Variants in TLN1 observed in about 807,000 individuals in gnomAD.
The protein encoded by TLN1 is talin-1.
TLN1 carries 56 observed loss-of-function variants against 292.3 expected under a neutral mutation model. The observed-to-expected ratio is 0.19, with a 90% confidence interval of 0.15 to 0.24. The LOEUF (loss-of-function observed/expected upper bound fraction) is 0.24, where lower values mean the gene tolerates loss of function less well. Ranked by LOEUF, TLN1 falls within the 10% of genes least tolerant of loss-of-function variation. TLN1 has a pLI of 1.00. For missense variants in TLN1, 2,433 were observed against 3,248.2 expected, an observed-to-expected ratio of 0.75 and a Z score of 6.10; for synonymous variants, 1,119 against 1,253.7, an observed-to-expected ratio of 0.89 and a Z score of 2.27.
At position 35,700,372 on chromosome 9, in the gene TLN1, A is replaced by C. The variant is rs1170295136; in HGVS notation, c.6479T>G (p.Phe2160Cys). 2 of 1,597,428 alleles carry C rather than the reference A, an allele frequency of 1.3e-6. No individual in the cohort carries two copies. The highest frequency in any genetic ancestry group is 1.7e-6 in the Non-Finnish European group (2 of 1,166,452). The change falls in exon 49 of 57, where the codon TTC (phenylalanine) becomes TGC (cysteine). Residue 2160 changes from phenylalanine (F) to cysteine (C), a missense_variant. By Grantham distance (205) the Phe-to-Cys change is radical. Coordinates refer to ENST00000314888, the MANE Select transcript of TLN1 (RefSeq NM_006289.4). ...CTTGGCAGGTGGCTCTGGGGAACAG[A>C]AAACCTGTGGGGGCAGAAGAAGAAG... ...TEHIRQELAV[F>C]CSPEPPAKTS...
At chr9:35,725,416 T>C (rs973378446) in intron 2 of TLN1, 95 bp from the exon 3 acceptor site, 22 of 1,537,754 alleles carry the variant, frequency 1.4e-5, no homozygotes, top group East Asian at 6.8e-5. Context: ...TCCCATGACC[T>C]TGGGCCTAAA....
chr9:35,703,077 G>T (rs896124521), intron 48 of TLN1, among the ~76,000 whole-genome samples: 1 of 152,140 alleles, frequency 6.6e-6, no homozygotes, highest in East Asian at 2.0e-4. Context: ...AAGGCGGGTG[G>T]ATCACTTGAG....
intron 10 of TLN1, among the ~76,000 whole-genome samples, 161 bp downstream of exon 10, chr9:35,721,487 A>C (rs1825878016): frequency 6.6e-6 from 1 of 152,164 alleles, no homozygotes; most frequent in African/African-American, 2.4e-5. Flanking sequence ...GTTTCATTTA[A>C]GCCTCACACT....
Position 35,705,890 on chromosome 9 carries a change from G to A in TLN1, c.5512-39C>T, listed in dbSNP as rs376062949. 6.2e-6 allele frequency: 10 copies of A among 1,614,114 alleles called. No individual in the cohort carries two copies. The African/African-American group carries it at 9.3e-5, about 15-fold the overall frequency. ...ATAGGGAAAGGGAAAGACTGTTAGG[G>A]TCTCTGCCACTGTGCTTGGAGGCTC... On this transcript the variant is annotated intron_variant, in intron 41 of 56. Coordinates refer to ENST00000314888, the MANE Select transcript of TLN1 (RefSeq NM_006289.4).
chr9:35,707,191 T>A lies in TLN1; in HGVS notation c.4836A>T (p.Gly1612=). The A allele has an allele frequency of 6.2e-7, 1 of 1,608,186 alleles. No individual in the cohort carries two copies. Among genetic ancestry groups the A allele is most frequent in the Non-Finnish European group, 8.5e-7 (1 of 1,178,230 alleles). Residue 1612 remains glycine, a synonymous_variant, in exon 37 of 57, where the codon GGA becomes GGT. Coordinates refer to ENST00000314888, the MANE Select transcript of TLN1 (RefSeq NM_006289.4). This position sits in a 1 kb window ranked among gnomAD's most constrained non-coding sequence, Gnocchi z 5.6. ...SAKTMLESAG[G]LIQTARALAV... ...CGAGGGCCCGGGCTGTCTGGATGAG[T>A]CCCCCGGCACTCTCTAACATTGTCT...
At position 35,698,263 on chromosome 9, in the gene TLN1, G is replaced by A. The variant is rs1180377777; in HGVS notation, c.7371+60C>T. The A allele has an allele frequency of 9.9e-6, 16 of 1,608,302 alleles. No homozygotes were observed. The South Asian group carries it at 1.1e-4, about 11-fold the overall frequency. On this transcript the variant is annotated intron_variant, in intron 55 of 56. Coordinates refer to ENST00000314888, the MANE Select transcript of TLN1 (RefSeq NM_006289.4). This position sits in a 1 kb window ranked among gnomAD's most constrained non-coding sequence, Gnocchi z 5.3. Reference sequence around the variant, plus strand: ...ATTCTCTCATAGAAACATACATCTCGGGAGTGACAGTTTGAAGCAGTATAG... The same window carrying A: ...ATTCTCTCATAGAAACATACATCTCAGGAGTGACAGTTTGAAGCAGTATAG...
intron 33 of TLN1, among the ~76,000 whole-genome samples, chr9:35,709,651 G>A (rs1825625237): frequency 1.3e-5 from 2 of 151,910 alleles, no homozygotes; most frequent in South Asian, 4.1e-4. Flanking sequence ...CACTTTGGGA[G>A]GTCGAGACGG....
rs757972637 is a variant in TLN1, at chr9:35,712,130, G to T, written c.3562-6C>A. ...TGGGTCACTGCTTTAGCCACCTGGG[G>T]TGAGAAAGGAGACAGGGTTGCCCAA... is the stretch of plus-strand genomic sequence containing the variant. On this transcript the variant is annotated splice_region_variant and splice_polypyrimidine_tract_variant and intron_variant, in intron 27 of 56. Transcript: ENST00000314888. The T allele has an allele frequency of 5.0e-6, 8 of 1,611,712 alleles. No homozygotes were observed. In the South Asian group the frequency reaches 6.6e-5, roughly 13 times the overall value.
At position 35,714,742 on chromosome 9, in the gene TLN1, T is replaced by C. The variant is rs749869775; in HGVS notation, c.2871+18A>G. Reference sequence around the variant, plus strand: ...CAAGTCTCCCTCTTCCACTCCCACATCCTTCCTAGAGTCTTACCTTGCAGC... The same window carrying C: ...CAAGTCTCCCTCTTCCACTCCCACACCCTTCCTAGAGTCTTACCTTGCAGC... On this transcript the variant is annotated intron_variant, in intron 22 of 56. Coordinates refer to ENST00000314888, the MANE Select transcript of TLN1 (RefSeq NM_006289.4). This position sits in a 1 kb window ranked among gnomAD's most constrained non-coding sequence, Gnocchi z 4.6. The C allele has an allele frequency of 1.2e-6, 2 of 1,608,588 alleles. No homozygotes were observed. The highest frequency in any genetic ancestry group is 1.7e-6 in the Non-Finnish European group (2 of 1,176,904).
chr9:35,713,338 A>G (rs1325407253), intron 25 of TLN1, 40 bp from the exon 26 acceptor site: 3 of 1,522,004 alleles, frequency 2.0e-6, no homozygotes, highest in Non-Finnish European at 2.7e-6. Context: ...GAGAAAGGAG[A>G]AGGTGAGGAG....
rs192074927 is a variant in TLN1, at chr9:35,702,432, G to A, written c.6474+1128C>T. 4.5e-4 allele frequency among the ~76,000 whole-genome samples: 68 copies of A among 152,274 alleles called. 1 individual carries two copies. Among genetic ancestry groups the A allele is most frequent in the South Asian group, 4.4e-3 (21 of 4,824 alleles). On this transcript the variant is annotated intron_variant, in intron 48 of 56. Coordinates refer to ENST00000314888, the MANE Select transcript of TLN1 (RefSeq NM_006289.4). Reference sequence around the variant, plus strand: ...ACTAAGTTAAAGGTGATTCAATGACGTTCGAGAAACAAGAGAAAAGCCAGT... The same window carrying A: ...ACTAAGTTAAAGGTGATTCAATGACATTCGAGAAACAAGAGAAAAGCCAGT...
Position 35,698,458 on chromosome 9 carries a change from A to G in TLN1, c.7236T>C (p.Asn2412=), listed in dbSNP as rs1355157739. The part of the protein sequence containing the change: ...AATNNLCEAA[N]AAVQGHASQE... ...GGCTGGCATGGCCTTGTACAGCTGC[A>G]TTGGCTGCCTCACACAGATTGTTGG... Residue 2412 remains asparagine (N), a synonymous_variant, in exon 55 of 57, where the codon AAT becomes AAC. Coordinates refer to ENST00000314888, the MANE Select transcript of TLN1 (RefSeq NM_006289.4). This position sits in a 1 kb window ranked among gnomAD's most constrained non-coding sequence, Gnocchi z 5.3. 6 of 1,614,034 alleles carry G rather than the reference A, an allele frequency of 3.7e-6. No individual in the cohort carries two copies. Among genetic ancestry groups the G allele is most frequent in the Non-Finnish European group, 5.1e-6 (6 of 1,179,990 alleles).
rs372836308 is a variant in TLN1 at position 35,729,095 on chromosome 9, A to G, written c.-34+2980T>C. Among the ~76,000 whole-genome samples, 20 of 152,382 alleles carry G rather than the reference A, an allele frequency of 1.3e-4. No homozygotes were observed. The East Asian group carries it at 2.5e-3, about 19-fold the overall frequency. ...TGACTATGTCACTTGCATTGTATAC[A>G]TAATTTCATTTAATCCTTACAGTAG... On this transcript the variant is annotated intron_variant, in intron 1 of 56. Coordinates refer to ENST00000314888, the MANE Select transcript of TLN1 (RefSeq NM_006289.4).
Position 35,720,048 on chromosome 9 carries a change from C to A in TLN1, c.1455G>T (p.Met485Ile). ...GAAGTGGGACACTTACCAGAGGAGG[C>A]ATGTGTCCTCGGTGCATCTGGCCGC... is the stretch of plus-strand genomic sequence containing the variant. ...ITSGQMHRGH[M>I]PPLTSAQQAL... Residue 485 changes from methionine (M) to isoleucine (I), a missense_variant, in exon 13 of 57, where the codon ATG becomes ATT. Met to Ile is a conservative substitution (Grantham distance 10, BLOSUM62 1). Transcript: ENST00000314888. 1 of 1,588,224 alleles carries A rather than the reference C, an allele frequency of 6.3e-7. No homozygotes were observed. Among genetic ancestry groups the A allele is most frequent in the South Asian group, 1.2e-5 (1 of 86,600 alleles).
rs1461955960 is a variant in TLN1, at chr9:35,714,337, C to T, written c.3022G>A (p.Val1008Met). Residue 1008 changes from valine (V) to methionine (M), a missense_variant, in exon 24 of 57, where the codon GTG becomes ATG. Around this residue, in one of 7 missense-constraint regions of TLN1, gnomAD observed 617 missense variants for 770.6 expected, o/e 0.80. Coordinates refer to ENST00000314888, the MANE Select transcript of TLN1 (RefSeq NM_006289.4). This position sits in a 1 kb window ranked among gnomAD's most constrained non-coding sequence, Gnocchi z 4.6. The part of the protein sequence containing the change: ...GKMVAAAKAS[V>M]PTIQDQASAM... ...GAAGCCTGGTCCTGAATCGTTGGCA[C>T]TGAGGCCTTTGCAGCTGCCACCATC... The T allele has an allele frequency of 6.2e-7, 1 of 1,613,498 alleles. No individual in the cohort carries two copies. Among genetic ancestry groups the T allele is most frequent in the Non-Finnish European group, 8.5e-7 (1 of 1,179,636 alleles).
intron 1 of TLN1, among the ~76,000 whole-genome samples, chr9:35,729,957 G>GAGTGTAGAAAAAGGATGAGAAGACAT (rs1554663980): frequency 6.6e-6 from 1 of 151,406 alleles, no homozygotes; most frequent in Non-Finnish European, 1.5e-5. Context: ...GGGGAAGACA[G>GAGTGTAGAAAAAGGATGAGAAGACAT]GGTGTAGAAA....
In TLN1 at chr9:35,720,915, T is replaced by C; in HGVS notation, c.1105-2A>G. The C allele has an allele frequency of 6.2e-7, 1 of 1,611,746 alleles. No individual in the cohort carries two copies. Among genetic ancestry groups the C allele is most frequent in the Non-Finnish European group, 8.5e-7 (1 of 1,177,890 alleles). ...GCCATCTTGGTAATCTCCAAAATCC[T>C]AGGGTGACAAGTGGGGGACTCAGAG... On this transcript the variant is annotated splice_acceptor_variant, in intron 10 of 56. Coordinates refer to ENST00000314888, the MANE Select transcript of TLN1 (RefSeq NM_006289.4). LOFTEE classifies it high-confidence loss of function.
In TLN1 at chr9:35,717,487, A is replaced by G. The variant is rs1307290611; in HGVS notation, c.2164-47T>C. On this transcript the variant is annotated intron_variant, in intron 18 of 56. Coordinates refer to ENST00000314888, the MANE Select transcript of TLN1 (RefSeq NM_006289.4). This position sits in a 1 kb window ranked among gnomAD's most constrained non-coding sequence, Gnocchi z 4.7. ...GAGACGTAGGCAAGGGAAAGGAGGTAGAGTATGCTGCTCATAGCAGTAACT... is the reference window on the plus strand; with the variant it reads ...GAGACGTAGGCAAGGGAAAGGAGGTGGAGTATGCTGCTCATAGCAGTAACT... 12 of 1,594,332 alleles carry G rather than the reference A, an allele frequency of 7.5e-6. No individual in the cohort carries two copies. The highest frequency in any genetic ancestry group is 1.7e-4 in the Middle Eastern group (1 of 5,976).
Position 35,698,228 on chromosome 9 carries a change from C to G in TLN1, c.7372-56G>C, listed in dbSNP as rs1415573437. 1 of 1,610,330 alleles carries G rather than the reference C, an allele frequency of 6.2e-7. No homozygotes were observed. Among genetic ancestry groups the G allele is most frequent in the Non-Finnish European group, 8.5e-7 (1 of 1,177,362 alleles). The stretch of plus-strand genomic sequence containing the variant: ...AACTCAGGTACGGTCCCAGTTGAGA[C>G]AGTACCTCAATTCTCTCATAGAAAC... On this transcript the variant is annotated intron_variant, in intron 55 of 56. Coordinates refer to ENST00000314888, the MANE Select transcript of TLN1 (RefSeq NM_006289.4). The surrounding 1 kb of genome is among the most constrained non-coding windows in gnomAD (Gnocchi z 5.3).
Sources: allele counts gnomAD v4.1 joint callset (sites outside exome capture counted in the v4.1 genomes callset), GRCh38; gene constraint gnomAD v4.1.1; regional missense constraint gnomAD v4.1.1; non-coding constraint Gnocchi (gnomAD v3.1); transcripts MANE v1.5; gene names NCBI Gene and HGNC (gene_info 2026-07-23, HGNC 2026-07-21).